GPR137C: variants seen among roughly 807,000 people sequenced by gnomAD.
GPR137C encodes integral membrane protein GPR137C.
GPR137C carries 27 observed loss-of-function variants against 43.4 expected under a neutral mutation model. The ratio of observed to expected loss-of-function variants is 0.62; its 90% CI spans 0.46 to 0.86. The LOEUF is 0.86. Ranked by LOEUF, GPR137C falls within the 40% of genes least tolerant of loss-of-function variation. The pLI is 0.00. For synonymous variants in GPR137C, 285 were observed against 226.9 expected (o/e 1.26, Z -2.30); for missense variants, 522 against 534.6 (o/e 0.98, Z 0.23).
chr14:52,578,232 G>A (rs1317287835), intron 1 of GPR137C, among the ~76,000 whole-genome samples: 2 of 152,006 alleles, frequency 1.3e-5, no homozygotes, highest in Non-Finnish European at 2.9e-5. Flanking sequence ...TTTAGTTTAG[G>A]GAGACATTCT....
chr14:52,583,741 A>C (rs1351397267), intron 1 of GPR137C, among the ~76,000 whole-genome samples: 1 of 151,668 alleles, frequency 6.6e-6, no homozygotes, highest in East Asian at 2.0e-4. Context: ...AATAACTTCC[A>C]CCTTCCTGGA....
At position 52,612,436 on chromosome 14, in the gene GPR137C, A is replaced by C. The variant is rs1466476403; in HGVS notation, c.717+12095A>C. 6.1e-6 allele frequency: 6 copies of C among 982,888 alleles called. No individual in the cohort carries two copies. The South Asian group carries it at 1.9e-4, about 31-fold the overall frequency. The allele number at this position is 982,888 out of a possible 1,614,324, so 60.9% of individuals were successfully genotyped here. A position where few individuals can be genotyped will look rare whatever the true frequency, so the allele number is the denominator to read the frequency against. The stretch of plus-strand genomic sequence containing the variant: ...AGCCTCCATAATGTTAATTTTCTTC[A>C]AAATCAGTTTTGTTTTGCTTTTTAT... On this transcript the variant is annotated intron_variant, in intron 3 of 6. Coordinates refer to ENST00000321662, the MANE Select transcript of GPR137C (RefSeq NM_001099652.2).
chr14:52,600,151 T>C lies in GPR137C; in HGVS notation c.527T>C (p.Leu176Pro). 1.2e-6 allele frequency: 2 copies of C among 1,613,944 alleles called. No homozygotes were observed. Among genetic ancestry groups the C allele is most frequent in the Non-Finnish European group, 1.7e-6 (2 of 1,179,838 alleles). Residue 176 changes from leucine to proline, a missense_variant, in exon 3 of 7, where the codon CTC becomes CCC. Around this residue, in one of 3 missense-constraint regions of GPR137C, gnomAD observed 437 missense variants for 425.7 expected, o/e 1.03. Coordinates refer to ENST00000321662, the MANE Select transcript of GPR137C (RefSeq NM_001099652.2). ...LHLGFIMASLLFLVVNLTCAM... is the reference protein window; with the variant it reads ...LHLGFIMASLPFLVVNLTCAM... ...TTGGGCTTTATAATGGCAAGCCTGC[T>C]CTTTTTAGTGGTGAACTTGACTTGC... is the stretch of plus-strand genomic sequence containing the variant.
At chr14:52,555,052 C>T (rs995710431) in intron 1 of GPR137C, among the ~76,000 whole-genome samples, 2 of 151,870 alleles carry the variant, frequency 1.3e-5, no homozygotes, top group African/African-American at 4.8e-5. Context: ...AACACTTCTA[C>T]CCTTTATACT....
chr14:52,591,401 G>A (rs771918416), intron 1 of GPR137C, among the ~76,000 whole-genome samples: 1 of 152,150 alleles, frequency 6.6e-6, no homozygotes, highest in Non-Finnish European at 1.5e-5. Context: ...TTGAGGAATC[G>A]CCACACTGTC....
chr14:52,625,623 C>T (rs1431915754), intron 3 of GPR137C, among the ~76,000 whole-genome samples: 2 of 122,376 alleles, frequency 1.6e-5, no homozygotes, highest in Non-Finnish European at 1.6e-5. Context: ...GGCGTGATCT[C>T]GGCTCACTGC....
rs1338702466 is a variant in GPR137C, at chr14:52,625,511, A to ATAGAG, written c.718-6648_718-6644dup. On this transcript the variant is annotated intron_variant, in intron 3 of 6. Coordinates refer to ENST00000321662, the MANE Select transcript of GPR137C (RefSeq NM_001099652.2). ...AAAAAAAAAAGAAAAAGAAAAGAAA[A>ATAGAG]TAGAGGAGGGAAGAACACATCTTTT... Among the ~76,000 whole-genome samples, 18 of 144,788 alleles carry ATAGAG rather than the reference A, an allele frequency of 1.2e-4. No homozygotes were observed. In the South Asian group the frequency reaches 4.0e-3, roughly 32 times the overall value. 95.0% of individuals were successfully genotyped at this position (144,788 alleles called of 152,430 possible). A position where few individuals can be genotyped will look rare whatever the true frequency, so the allele number is the denominator to read the frequency against.
chr14:52,632,202 A>G lies in GPR137C; in HGVS notation c.760A>G (p.Ile254Val), dbSNP rs1594811370. Residue 254 changes from isoleucine (I) to valine (V), a missense_variant, in exon 4 of 7, where the codon ATT becomes GTT. This residue lies in a region of GPR137C where 437 missense variants were observed against 425.7 expected (regional missense o/e 1.03). Transcript: ENST00000321662. ...CQTVVVGSVVILLYSSRACYN... is the reference protein window; with the variant it reads ...CQTVVVGSVVVLLYSSRACYN... The stretch of plus-strand genomic sequence containing the variant: ...GACTGTCGTCGTGGGCTCTGTAGTC[A>G]TTCTTCTGTACTCTTCCAGAGCTTG... 1.2e-6 allele frequency: 2 copies of G among 1,607,066 alleles called. No homozygotes were observed. The highest frequency in any genetic ancestry group is 1.7e-6 in the Non-Finnish European group (2 of 1,173,732).
intron 1 of GPR137C, among the ~76,000 whole-genome samples, chr14:52,593,902 A>G (rs934502039): frequency 3.3e-5 from 5 of 151,780 alleles, no homozygotes; most frequent in South Asian, 2.1e-4. Flanking sequence ...TTGCTTCTCT[A>G]GTTCTTTTAA....
rs752185800 is a variant in GPR137C, at chr14:52,633,789, A to T, written c.994-39A>T. On this transcript the variant is annotated intron_variant, in intron 5 of 6. Transcript: ENST00000321662. ...TTCTAGCCTCCTTTCTTAGTGGAAA[A>T]GTAAAACCTTCATATGCTATCTAAT... The T allele has an allele frequency of 1.9e-6, 3 of 1,541,462 alleles. No homozygotes were observed. In the African/African-American group the frequency reaches 4.1e-5, roughly 21 times the overall value.
intron 1 of GPR137C, among the ~76,000 whole-genome samples, chr14:52,580,772 G>GTA (rs2038631812): frequency 6.8e-6 from 1 of 146,142 alleles, no homozygotes; most frequent in Non-Finnish European, 1.5e-5. Context: ...ATATTTTTTA[G>GTA]TATATATATC....
intron 1 of GPR137C, among the ~76,000 whole-genome samples, chr14:52,556,889 G>A (rs7144509): frequency 0.46 from 69,217 of 151,754 alleles, 15,895 homozygotes; most frequent in East Asian, 0.54. Context: ...CTTACTTTCA[G>A]TTTGGTCTTA....
chr14:52,570,619 A>G (rs562676659), intron 1 of GPR137C, among the ~76,000 whole-genome samples: 136 of 151,618 alleles, frequency 9.0e-4, no homozygotes, highest in African/African-American at 2.8e-3. Context: ...CTGCAAAGAC[A>G]CATATAGGCT....
intron 1 of GPR137C, among the ~76,000 whole-genome samples, chr14:52,579,147 A>T (rs1016814426): frequency 6.6e-6 from 1 of 152,152 alleles, no homozygotes; most frequent in African/African-American, 2.4e-5. Flanking sequence ...CTATTCCAGC[A>T]TTTTGAGAAC....
Position 52,635,947 on chromosome 14 carries a change from AATT to A in GPR137C, c.*836_*838del, listed in dbSNP as rs1317416716. ...AAACAAGTTTAGAGATGCATTTAAGAATTATTCACAAAATGTGTAATTCTAAAT... is the reference window on the plus strand; with the variant it reads ...AAACAAGTTTAGAGATGCATTTAAGAATTCACAAAATGTGTAATTCTAAAT... On this transcript the variant is annotated 3_prime_UTR_variant, in exon 7 of 7. Coordinates refer to ENST00000321662, the MANE Select transcript of GPR137C (RefSeq NM_001099652.2). 3 of 152,148 alleles carry A rather than the reference AATT, an allele frequency of 2.0e-5. No homozygotes were observed. Among genetic ancestry groups the A allele is most frequent in the African/African-American group, 7.2e-5 (3 of 41,452 alleles). The allele number at this position is 152,148 out of a possible 1,614,324, so 9.4% of individuals were successfully genotyped here. A position where few individuals can be genotyped will look rare whatever the true frequency, so the allele number is the denominator to read the frequency against.
intron 1 of GPR137C, among the ~76,000 whole-genome samples, chr14:52,584,642 C>T (rs1399792301): frequency 1.3e-5 from 2 of 152,114 alleles, no homozygotes; most frequent in Admixed American, 6.6e-5. Context: ...CACAGGATCT[C>T]GCCCTGTTGC....
At chr14:52,564,285 A>G (rs1024270652) in intron 1 of GPR137C, among the ~76,000 whole-genome samples, 1 of 151,426 alleles carries the variant, frequency 6.6e-6, no homozygotes, top group Non-Finnish European at 1.5e-5. Context: ...AAAAAAAAAA[A>G]AAAAAAAGCC....
intron 1 of GPR137C, among the ~76,000 whole-genome samples, chr14:52,563,018 C>G (rs978071009): frequency 6.6e-6 from 1 of 152,166 alleles, no homozygotes; most frequent in Admixed American, 6.5e-5. Flanking sequence ...TGCCTTCCCC[C>G]CATCAGTCTA....
In GPR137C at chr14:52,630,125, G is replaced by A. The variant is rs145289806; in HGVS notation, c.718-2035G>A. ...TGAATCTTTTGTTTTCCAAATCAAT[G>A]GGTGTCTTTCATTGTTTTATGTATG... On this transcript the variant is annotated intron_variant, in intron 3 of 6. Transcript: ENST00000321662. 4.4e-3 allele frequency among the ~76,000 whole-genome samples: 665 copies of A among 152,204 alleles called. 3 individuals are homozygous for A. Among genetic ancestry groups the A allele is most frequent in the African/African-American group, 0.016 (645 of 41,532 alleles).
Sources: gnomAD v4.1 joint callset for allele counts (sites outside exome capture counted in the v4.1 genomes callset) on GRCh38, gnomAD v4.1.1 for gene constraint, gnomAD v4.1.1 regional missense constraint, MANE v1.5 for transcripts, NCBI Gene and HGNC (gene_info 2026-07-23, HGNC 2026-07-21) for gene names.